The following EPB41L4A variants were observed in gnomAD, a reference collection of about 807,000 sequenced individuals.
EPB41L4A encodes the protein band 4.1-like protein 4A.
In EPB41L4A, 100 loss-of-function variants were observed where a neutral mutation model predicts 108.6. The ratio of observed to expected loss-of-function variants is 0.92; its 90% CI spans 0.78 to 1.09. The LOEUF is 1.09. Among genes scored for constraint, EPB41L4A ranks in the 50% least tolerant of loss-of-function variants. EPB41L4A has a pLI of 0.00. For missense variants in EPB41L4A, 1,030 were observed against 842.7 expected (o/e 1.22, Z -2.75); for synonymous variants, 319 against 289.0 (o/e 1.10, Z -1.05).
intron 1 of EPB41L4A, among the ~76,000 whole-genome samples, chr5:112,412,856 C>T (rs527378277): frequency 5.9e-5 from 9 of 152,352 alleles, no homozygotes; most frequent in African/African-American, 9.6e-5. Context: ...CAGACAAACA[C>T]ACTTTGCATC....
At position 112,209,201 on chromosome 5, in the gene EPB41L4A, G is replaced by C. The variant is rs75203262; in HGVS notation, c.1178+691C>G. The stretch of plus-strand genomic sequence containing the variant: ...GCTGGGATTTCCCCATGATGTATGG[G>C]GGGCAACCCCTATAGAGAAAGTGAG... On this transcript the variant is annotated intron_variant, in intron 13 of 22. Coordinates refer to ENST00000261486, the MANE Select transcript of EPB41L4A (RefSeq NM_022140.5). 4.2e-3 allele frequency among the ~76,000 whole-genome samples: 633 copies of C among 152,290 alleles called. 4 individuals carry two copies. Among genetic ancestry groups the C allele is most frequent in the African/African-American group, 0.014 (569 of 41,568 alleles).
intron 2 of EPB41L4A, among the ~76,000 whole-genome samples, chr5:112,288,835 T>C (rs1283835789): frequency 6.6e-6 from 1 of 151,956 alleles, no homozygotes. Flanking sequence ...ATATATCTTT[T>C]TTTTTTTTTT....
At chr5:112,276,889 T>C (rs1372658152) in intron 3 of EPB41L4A, among the ~76,000 whole-genome samples, 4 of 152,200 alleles carry the variant, frequency 2.6e-5, no homozygotes, top group African/African-American at 7.2e-5. Context: ...TGTGCCTTCC[T>C]GTGTAAAGAC....
At chr5:112,385,153 C>T (rs930347621) in intron 1 of EPB41L4A, among the ~76,000 whole-genome samples, 2 of 152,154 alleles carry the variant, frequency 1.3e-5, no homozygotes, top group African/African-American at 4.8e-5. Context: ...GACAATGTGA[C>T]CCCGATCCTG....
At chr5:112,386,631 T>C in intron 1 of EPB41L4A, among the ~76,000 whole-genome samples, 1 of 152,204 alleles carries the variant, frequency 6.6e-6, no homozygotes, top group Non-Finnish European at 1.5e-5. Flanking sequence ...CAGGACAGAC[T>C]ATAGAAGAAA....
At chr5:112,340,869 T>A (rs778179125) in intron 1 of EPB41L4A, among the ~76,000 whole-genome samples, 3 of 152,212 alleles carry the variant, frequency 2.0e-5, no homozygotes, top group Non-Finnish European at 2.9e-5. Context: ...ATATATTTCA[T>A]ACATAAGTAT....
intron 1 of EPB41L4A, among the ~76,000 whole-genome samples, chr5:112,323,923 A>T (rs1755975381): frequency 6.6e-6 from 1 of 152,226 alleles, no homozygotes; most frequent in South Asian, 2.1e-4. Context: ...ACAATTAAAC[A>T]TTGACTCCTG....
intron 1 of EPB41L4A, among the ~76,000 whole-genome samples, chr5:112,377,215 G>GGAA (rs796162950): frequency 0.023 from 2,350 of 101,700 alleles, 55 homozygotes; most frequent in African/African-American, 0.074. Flanking sequence ...CTGTTTGTTT[G>GGAA]AAAAAAAAAA....
intron 1 of EPB41L4A, among the ~76,000 whole-genome samples, chr5:112,337,592 CAGTA>C (rs1190206279): frequency 6.6e-6 from 1 of 152,112 alleles, no homozygotes; most frequent in African/African-American, 2.4e-5. Flanking sequence ...TAAGGTCACA[CAGTA>C]AGTGGGAGGA....
chr5:112,278,859 A>G (rs562629862), intron 3 of EPB41L4A, among the ~76,000 whole-genome samples: 72 of 150,424 alleles, frequency 4.8e-4, no homozygotes, highest in African/African-American at 1.7e-3. Context: ...ATTCGAGACC[A>G]GCCTGGCCAA....
intron 12 of EPB41L4A, among the ~76,000 whole-genome samples, chr5:112,231,791 CAAAAAAAAAAAAAA>C (rs777370941): frequency 2.7e-5 from 1 of 37,618 alleles, no homozygotes; most frequent in Non-Finnish European, 4.5e-5. Context: ...GACTCCGTCT[CAAAAAAAAAAAAAA>C]AAAAAAAAAA....
At chr5:112,292,472 A>C (rs534226562) in intron 2 of EPB41L4A, among the ~76,000 whole-genome samples, 9 of 152,338 alleles carry the variant, frequency 5.9e-5, no homozygotes. Context: ...CTCATAGTCC[A>C]GAAGGGAAAG....
intron 1 of EPB41L4A, among the ~76,000 whole-genome samples, chr5:112,350,807 C>T (rs1266339193): frequency 6.6e-6 from 1 of 152,156 alleles, no homozygotes; most frequent in Non-Finnish European, 1.5e-5. Flanking sequence ...GGATTTCATT[C>T]TTTTTTATAG....
intron 1 of EPB41L4A, among the ~76,000 whole-genome samples, chr5:112,404,125 T>G (rs988831589): frequency 3.9e-5 from 6 of 152,226 alleles, no homozygotes; most frequent in Non-Finnish European, 7.3e-5. Flanking sequence ...CTAAGGACAT[T>G]CTGTCATGAT....
intron 12 of EPB41L4A, among the ~76,000 whole-genome samples, chr5:112,218,785 CTG>C (rs1029058419): frequency 1.2e-4 from 19 of 152,132 alleles, no homozygotes; most frequent in African/African-American, 1.2e-4. Context: ...CTCAAGGACT[CTG>C]TAGTGTTTTA....
At chr5:112,292,735 CTT>C (rs1311685623) in intron 2 of EPB41L4A, among the ~76,000 whole-genome samples, 2 of 152,136 alleles carry the variant, frequency 1.3e-5, no homozygotes, top group African/African-American at 2.4e-5. Context: ...AGAAAATTCT[CTT>C]AAGATTCAGA....
At chr5:112,192,402 T>A (rs1323572253) in intron 17 of EPB41L4A, among the ~76,000 whole-genome samples, 1 of 152,230 alleles carries the variant, frequency 6.6e-6, no homozygotes, top group South Asian at 2.1e-4. Context: ...TCTACAGCCA[T>A]AGGCAACTTA....
At chr5:112,341,896 A>G (rs1335880564) in intron 1 of EPB41L4A, among the ~76,000 whole-genome samples, 1 of 152,206 alleles carries the variant, frequency 6.6e-6, no homozygotes, top group Non-Finnish European at 1.5e-5. Context: ...AGTAATCCCA[A>G]ATCCTATATA....
At chr5:112,179,047 A>C (rs1485755715) in intron 18 of EPB41L4A, among the ~76,000 whole-genome samples, 2 of 152,062 alleles carry the variant, frequency 1.3e-5, no homozygotes, top group African/African-American at 4.8e-5. Flanking sequence ...GATTTCACAG[A>C]TGTTAAAAGC....
Sources: gnomAD v4.1 joint callset for allele counts (sites outside exome capture counted in the v4.1 genomes callset) on GRCh38, gnomAD v4.1.1 for gene constraint, MANE v1.5 for transcripts, NCBI Gene and HGNC (gene_info 2026-07-23, HGNC 2026-07-21) for gene names.